Variants in APBB2 observed in about 807,000 individuals in gnomAD.
APBB2 encodes amyloid beta precursor protein binding family B member 2.
In APBB2, 38 loss-of-function variants were observed where a neutral mutation model predicts 82.5. The observed-to-expected ratio is 0.46, with a 90% confidence interval of 0.36 to 0.60. The LOEUF (loss-of-function observed/expected upper bound fraction) is 0.60. Among genes scored for constraint, APBB2 ranks in the 20% least tolerant of loss-of-function variants. The pLI is 0.00. For missense variants in APBB2, 772 were observed against 972.3 expected, an observed-to-expected ratio of 0.79 and a Z score of 2.74; for synonymous variants, 341 against 368.2, an observed-to-expected ratio of 0.93 and a Z score of 0.85.
intron 1 of APBB2, among the ~76,000 whole-genome samples, chr4:41,149,478 G>T (rs12503863): frequency 2.6e-5 from 4 of 151,754 alleles, no homozygotes; most frequent in African/African-American, 7.3e-5. Context: ...CTGAGGAAAG[G>T]GGGGAGAAAG....
intron 10 of APBB2, among the ~76,000 whole-genome samples, chr4:40,910,121 A>AT (rs34289899): frequency 0.26 from 36,757 of 142,538 alleles, 5,605 homozygotes; most frequent in East Asian, 0.53. Context: ...TGCCTGGCTA[A>AT]TTTTTTTTTT....
rs1163126720 is a variant in APBB2 at position 40,957,411 on chromosome 4, G to A, written c.836-12338C>T. Among the ~76,000 whole-genome samples the A allele has an allele frequency of 2.0e-5, 3 of 151,658 alleles. No homozygotes were observed. The East Asian group carries it at 5.8e-4, about 29-fold the overall frequency. Reference sequence around the variant, plus strand: ...TGTCAATTTAGAAATGATGTATCATGTGAGAACACACTTGTTTGAGTACAT... The same window carrying A: ...TGTCAATTTAGAAATGATGTATCATATGAGAACACACTTGTTTGAGTACAT... On this transcript the variant is annotated intron_variant, in intron 6 of 17. Coordinates refer to ENST00000508593, the MANE Select transcript of APBB2 (RefSeq NM_004307.2).
chr4:41,129,293 C>A (rs974821311), intron 2 of APBB2, among the ~76,000 whole-genome samples: 1 of 152,094 alleles, frequency 6.6e-6, no homozygotes, highest in African/African-American at 2.4e-5. Flanking sequence ...ACTGGCCCCA[C>A]TTTCCATTTT....
At chr4:40,928,825 C>CA (rs1452468904) in intron 10 of APBB2, among the ~76,000 whole-genome samples, 1 of 151,254 alleles carries the variant, frequency 6.6e-6, no homozygotes, top group Non-Finnish European at 1.5e-5. Flanking sequence ...GCGGCGGTTG[C>CA]AGTGAGCCGA....
chr4:41,143,434 C>G (rs753072882), intron 1 of APBB2, among the ~76,000 whole-genome samples: 2 of 152,184 alleles, frequency 1.3e-5, no homozygotes, highest in Non-Finnish European at 2.9e-5. Context: ...CAAGCTACAA[C>G]TAAAATTTCA....
At chr4:41,035,957 G>A (rs1345795825) in intron 4 of APBB2, among the ~76,000 whole-genome samples, 4 of 152,090 alleles carry the variant, frequency 2.6e-5, no homozygotes, top group Admixed American at 1.3e-4. Flanking sequence ...CCAGGAGTTT[G>A]AGACCAGCCT....
chr4:40,991,307 G>A (rs1202516179), intron 6 of APBB2, among the ~76,000 whole-genome samples: 1 of 150,506 alleles, frequency 6.6e-6, no homozygotes, highest in African/African-American at 2.4e-5. Flanking sequence ...GTGAGCCACC[G>A]TGCCTTGCTG....
chr4:40,989,410 C>A (rs1801388006), intron 6 of APBB2, among the ~76,000 whole-genome samples: 2 of 152,106 alleles, frequency 1.3e-5, no homozygotes, highest in South Asian at 4.1e-4. Context: ...ATCTATGCCT[C>A]CCAAAATTAT....
intron 2 of APBB2, among the ~76,000 whole-genome samples, chr4:41,102,548 C>T (rs1160299440): frequency 1.3e-5 from 2 of 152,168 alleles, no homozygotes; most frequent in Admixed American, 1.3e-4. Flanking sequence ...ACTAGGTTAT[C>T]GCAGAAGGCT....
rs140104339 is a variant in APBB2, at chr4:41,001,583, C to T, written c.835+12000G>A. On this transcript the variant is annotated intron_variant, in intron 6 of 17. Coordinates refer to ENST00000508593, the MANE Select transcript of APBB2 (RefSeq NM_004307.2). Reference sequence around the variant, plus strand: ...TTCAAGAGTAAGTCTATGAAAAGCTCAAGAAAAAGACAGGCTGGGCGTGGT... The same window carrying T: ...TTCAAGAGTAAGTCTATGAAAAGCTTAAGAAAAAGACAGGCTGGGCGTGGT... 8.0e-3 allele frequency among the ~76,000 whole-genome samples: 1,221 copies of T among 152,152 alleles called. 23 individuals are homozygous for T. Among genetic ancestry groups the T allele is most frequent in the African/African-American group, 0.028 (1,157 of 41,520 alleles).
At chr4:40,953,338 A>T (rs2154385090) in intron 6 of APBB2, among the ~76,000 whole-genome samples, 1 of 151,966 alleles carries the variant, frequency 6.6e-6, no homozygotes, top group South Asian at 2.1e-4. Flanking sequence ...CCTGAGAAAA[A>T]CCCAGATGGA....
intron 4 of APBB2, among the ~76,000 whole-genome samples, chr4:41,063,950 A>ATTTTTTTTTTTTT (rs11422110): frequency 1.1e-5 from 1 of 91,796 alleles, no homozygotes; most frequent in Non-Finnish European, 2.0e-5. Context: ...AAATGCTGGG[A>ATTTTTTTTTTTTT]TTTTTTTTTT....
chr4:40,847,807 GC>G (rs1758131243), intron 12 of APBB2, among the ~76,000 whole-genome samples: 1 of 150,200 alleles, frequency 6.7e-6, no homozygotes, highest in Non-Finnish European at 1.5e-5. Flanking sequence ...GTTTTTGCTT[GC>G]TTTTTTTTTT....
intron 6 of APBB2, among the ~76,000 whole-genome samples, chr4:41,006,500 G>A (rs1057178854): frequency 3.9e-5 from 6 of 152,188 alleles, no homozygotes; most frequent in African/African-American, 1.4e-4. Context: ...GTCTCGCTGT[G>A]TTGTCCAGGC....
At chr4:41,085,931 C>A (rs1183753621) in intron 3 of APBB2, among the ~76,000 whole-genome samples, 4 of 151,682 alleles carry the variant, frequency 2.6e-5, no homozygotes, top group African/African-American at 9.7e-5. Context: ...AAAAGACTGA[C>A]AAAATTGACA....
intron 6 of APBB2, among the ~76,000 whole-genome samples, chr4:40,954,477 T>C (rs552684644): frequency 6.6e-6 from 1 of 152,200 alleles, no homozygotes; most frequent in East Asian, 1.9e-4. Context: ...GCAGAGGTGA[T>C]GACAATAGAT....
intron 1 of APBB2, among the ~76,000 whole-genome samples, chr4:41,152,531 T>C (rs998911666): frequency 6.6e-6 from 1 of 152,104 alleles, no homozygotes; most frequent in Non-Finnish European, 1.5e-5. Flanking sequence ...GATTTCACCG[T>C]GTTAGCCAGG....
At chr4:40,876,636 CT>C (rs1766985318) in intron 12 of APBB2, among the ~76,000 whole-genome samples, 1 of 152,204 alleles carries the variant, frequency 6.6e-6, no homozygotes, top group Non-Finnish European at 1.5e-5. Flanking sequence ...GCACATCTTC[CT>C]GTATACTTTA....
chr4:41,033,586 A>T (rs959209426), intron 4 of APBB2, among the ~76,000 whole-genome samples: 12 of 66,448 alleles, frequency 1.8e-4, no homozygotes, highest in African/African-American at 1.9e-4. Context: ...TTTTCTCATC[A>T]CACACACACA....
Sources: gnomAD v4.1 joint callset for allele counts (sites outside exome capture counted in the v4.1 genomes callset) on GRCh38, gnomAD v4.1.1 for gene constraint, MANE v1.5 for transcripts, NCBI Gene and HGNC (gene_info 2026-07-23, HGNC 2026-07-21) for gene names.